Variants in SVEP1 observed in about 807,000 individuals in gnomAD.
SVEP1 encodes the protein sushi, von Willebrand factor type A, EGF and pentraxin domain-containing protein 1.
Under a neutral mutation model 367.3 loss-of-function variants are expected in SVEP1, and 164 were observed. That is an observed-to-expected ratio of 0.45 (90% confidence interval 0.39 to 0.51). The LOEUF (loss-of-function observed/expected upper bound fraction) is 0.51. Ranked by LOEUF, SVEP1 falls within the 20% of genes least tolerant of loss-of-function variation. SVEP1 has a pLI of 0.00. For synonymous variants in SVEP1, 1,666 were observed against 1,611.6 expected, an observed-to-expected ratio of 1.03 and a Z score of -0.81; for missense variants, 4,117 against 4,425.3, an observed-to-expected ratio of 0.93 and a Z score of 1.98.
In SVEP1 at chr9:110,518,199, G is replaced by A. The variant is rs796233228; in HGVS notation, c.965-4093C>T. On this transcript the variant is annotated intron_variant, in intron 3 of 47. Transcript: ENST00000374469. ...GCACTTTGGGAGGATAAGGCGGGCC[G>A]ATCACCTGAGGTCAGAAGTTCGAGA... Among the ~76,000 whole-genome samples, 11 of 152,154 alleles carry A rather than the reference G, an allele frequency of 7.2e-5. No individual in the cohort carries two copies. The East Asian group carries it at 7.7e-4, about 11-fold the overall frequency.
At chr9:110,409,025 T>G in intron 37 of SVEP1, 74 bp from the exon 38 acceptor site, 5 of 1,461,902 alleles carry the variant, frequency 3.4e-6, no homozygotes, top group Non-Finnish European at 4.5e-6. Context: ...CCTTGGATAG[T>G]GAAAAAAACT....
At chr9:110,381,998 A>AGT (rs1341250676) in intron 43 of SVEP1, among the ~76,000 whole-genome samples, 3 of 152,164 alleles carry the variant, frequency 2.0e-5, no homozygotes, top group African/African-American at 7.2e-5. Flanking sequence ...AGAAACTAGA[A>AGT]ATACAACCCC....
intron 3 of SVEP1, among the ~76,000 whole-genome samples, chr9:110,544,858 A>G (rs550600922): frequency 6.7e-6 from 1 of 149,634 alleles, no homozygotes; most frequent in Admixed American, 6.6e-5. Context: ...ATGGAACATT[A>G]AAACTTATTC....
rs1000567304 is a variant in SVEP1, at chr9:110,451,229, A to G, written c.3901+60T>C. On this transcript the variant is annotated intron_variant, in intron 23 of 47. Coordinates refer to ENST00000374469, the MANE Select transcript of SVEP1 (RefSeq NM_153366.4). Reference sequence around the variant, plus strand: ...CATTAATATATATGTTAAGAAATGTACTAATTTGTGGTGGTTTACAAGATT... The same window carrying G: ...CATTAATATATATGTTAAGAAATGTGCTAATTTGTGGTGGTTTACAAGATT... 2.3e-6 allele frequency: 3 copies of G among 1,313,044 alleles called. No individual in the cohort carries two copies. In the African/African-American group the frequency reaches 4.4e-5, roughly 19 times the overall value. The allele number at this position is 1,313,044 out of a possible 1,614,324, so 81.3% of individuals were successfully genotyped here. A position where few individuals can be genotyped will look rare whatever the true frequency, so the allele number is the denominator to read the frequency against.
intron 10 of SVEP1, among the ~76,000 whole-genome samples, chr9:110,483,133 A>G (rs1829220858): frequency 1.3e-5 from 2 of 152,154 alleles, no homozygotes; most frequent in Non-Finnish European, 1.5e-5. Context: ...TCTGAGTTCT[A>G]CTGAAACCCT....
chr9:110,432,496 A>G lies in SVEP1; in HGVS notation c.5199T>C (p.Asn1733=). The G allele has an allele frequency of 6.2e-7, 1 of 1,613,608 alleles. No homozygotes were observed. The highest frequency in any genetic ancestry group is 8.5e-7 in the Non-Finnish European group (1 of 1,179,734). The part of the protein sequence containing the change: ...LGDSRMFCTD[N]GSWNGVSPSC... ...ATGGTGAAACGCCGTTCCAGCTCCC[A>G]TTATCTGTACAGAACATCCTTGAGT... The change falls in exon 31 of 48, where the codon AAT becomes AAC. Residue 1733 remains asparagine, a synonymous_variant. Coordinates refer to ENST00000374469, the MANE Select transcript of SVEP1 (RefSeq NM_153366.4).
At position 110,546,163 on chromosome 9, in the gene SVEP1, T is replaced by G. The variant is rs377462630; in HGVS notation, c.916A>C (p.Ile306Leu). 34 of 1,555,086 alleles carry G rather than the reference T, an allele frequency of 2.2e-5. No individual in the cohort carries two copies. The highest frequency in any genetic ancestry group is 3.0e-5 in the Non-Finnish European group (34 of 1,148,692). The part of the protein sequence containing the change: ...CGTHTGHFEC[I>L]CEKGYYGKGL... ...TTCCCGTAATACCCCTTTTCACAGATGCACTCAAAATGGCCTGTGTGTGTC... is the reference window on the plus strand; with the variant it reads ...TTCCCGTAATACCCCTTTTCACAGAGGCACTCAAAATGGCCTGTGTGTGTC... Residue 306 changes from isoleucine (I) to leucine (L), a missense_variant, in exon 3 of 48, where the codon ATC becomes CTC. Around this residue, in one of 4 missense-constraint regions of SVEP1, gnomAD observed 2,174 missense variants for 2,494.3 expected, o/e 0.87. Transcript: ENST00000374469.
At chr9:110,512,378 T>C (rs540340710) in intron 5 of SVEP1, among the ~76,000 whole-genome samples, 1 of 152,140 alleles carries the variant, frequency 6.6e-6, no homozygotes, top group East Asian at 1.9e-4. Context: ...TTTTTTTTTT[T>C]ATTGCTTCTC....
chr9:110,449,914 G>A, intron 24 of SVEP1, 145 bp downstream of exon 24: 1 of 922,538 alleles, frequency 1.1e-6, no homozygotes, highest in African/African-American at 1.7e-5. Context: ...AAATGGCGGT[G>A]GGAATATTCA....
chr9:110,575,635 GA>G (rs543209417), intron 1 of SVEP1, among the ~76,000 whole-genome samples: 2 of 149,184 alleles, frequency 1.3e-5, no homozygotes, highest in Admixed American at 6.7e-5. Flanking sequence ...CAGTACAAAT[GA>G]AAAAAAAATA....
intron 1 of SVEP1, among the ~76,000 whole-genome samples, chr9:110,557,193 G>A (rs1225347891): frequency 6.6e-6 from 1 of 152,090 alleles, no homozygotes; most frequent in African/African-American, 2.4e-5. Context: ...ATTCTAGTAT[G>A]TTTTCATTTT....
chr9:110,370,639 G>A (rs1001917292), intron 46 of SVEP1, among the ~76,000 whole-genome samples: 1 of 152,112 alleles, frequency 6.6e-6, no homozygotes, highest in Non-Finnish European at 1.5e-5. Context: ...AACCCTGAGA[G>A]GACACTGAAA....
intron 40 of SVEP1, among the ~76,000 whole-genome samples, chr9:110,392,831 GGT>G (rs1346749354): frequency 3.3e-5 from 5 of 152,090 alleles, no homozygotes; most frequent in Non-Finnish European, 7.4e-5. Flanking sequence ...ATGCTAAAAT[GGT>G]CTCATCTTGA....
At chr9:110,396,356 G>C (rs201441098) in intron 40 of SVEP1, among the ~76,000 whole-genome samples, 30,669 of 151,876 alleles carry the variant, frequency 0.2, 3,205 homozygotes, top group Middle Eastern at 0.32. Context: ...GCAGTGTGTA[G>C]AGGGAAATTT....
intron 43 of SVEP1, among the ~76,000 whole-genome samples, chr9:110,379,857 G>A (rs1827408069): frequency 2.0e-5 from 3 of 152,160 alleles, no homozygotes; most frequent in African/African-American, 7.2e-5. Context: ...TATTAAATTA[G>A]GAGAGAAAGC....
chr9:110,526,108 A>G (rs1829937238), intron 3 of SVEP1, among the ~76,000 whole-genome samples: 1 of 152,290 alleles, frequency 6.6e-6, no homozygotes, highest in East Asian at 1.9e-4. Flanking sequence ...GAAAATCTTC[A>G]GGAACCAGTA....
In SVEP1 at chr9:110,557,759, TTAA is replaced by T. The variant is rs555181846; in HGVS notation, c.532-7658_532-7656del. ...TTGTAAATTTTGCTATCTATTATTA[TTAA>T]TATTATTAAAGCAAGCTGATAACCC... On this transcript the variant is annotated intron_variant, in intron 1 of 47. Transcript: ENST00000374469. 8.5e-5 allele frequency among the ~76,000 whole-genome samples: 13 copies of T among 152,266 alleles called. No individual in the cohort carries two copies. The South Asian group carries it at 2.7e-3, about 32-fold the overall frequency.
chr9:110,411,179 T>C lies in SVEP1; in HGVS notation c.6532A>G (p.Ile2178Val), dbSNP rs755319723. ...VAYSCNKGFYIKGEKKSTCEA... is the reference protein window; with the variant it reads ...VAYSCNKGFYVKGEKKSTCEA... ...CAGGTGCTCTTCTTTTCCCCTTTGA[T>C]GTAGAACCCCTTGTTGCAGCTGTAA... The change falls in exon 37 of 48, where the codon ATC becomes GTC. Residue 2178 changes from isoleucine to valine, a missense_variant. This residue lies in a region of SVEP1 where 1,765 missense variants were observed against 1,781.1 expected (regional missense o/e 0.99). Transcript: ENST00000374469. 2.4e-5 allele frequency: 38 copies of C among 1,613,932 alleles called. No individual in the cohort carries two copies. The Admixed American group carries it at 6.2e-4, about 26-fold the overall frequency.
At chr9:110,390,545 AC>A (rs1564127714) in intron 40 of SVEP1, among the ~76,000 whole-genome samples, 1 of 151,300 alleles carries the variant, frequency 6.6e-6, no homozygotes, top group Non-Finnish European at 1.5e-5. Context: ...AAAAATGCAA[AC>A]CCCCAGAAAC....
Sources: allele counts gnomAD v4.1 joint callset (sites outside exome capture counted in the v4.1 genomes callset), GRCh38; gene constraint gnomAD v4.1.1; regional missense constraint gnomAD v4.1.1; transcripts MANE v1.5; gene names NCBI Gene and HGNC (gene_info 2026-07-23, HGNC 2026-07-21).